Variants in MTSS2 observed in about 807,000 individuals in gnomAD.
MTSS2 encodes the protein protein MTSS 2.
A neutral mutation model predicts 67.1 loss-of-function variants in MTSS2; 27 were observed. The observed-to-expected ratio is 0.40, with a 90% CI of 0.30 to 0.55. The LOEUF (loss-of-function observed/expected upper bound fraction) is 0.55. Ranked by LOEUF, MTSS2 falls within the 20% of genes least tolerant of loss-of-function variation. MTSS2 has a pLI of 0.43. For missense variants in MTSS2, 1,171 were observed against 1,067.8 expected, an observed-to-expected ratio of 1.10 and a Z score of -1.35; for synonymous variants, 624 against 468.6, an observed-to-expected ratio of 1.33 and a Z score of -4.28.
chr16:70,661,544 A>C lies in MTSS2; in HGVS notation c.*2133T>G, dbSNP rs1231647334. ...ACAAAATGAGAAATTAAACGAACGT[A>C]AAGTCCCCCAAACCAAAGTTTGTGA... On this transcript the variant is annotated 3_prime_UTR_variant, in exon 15 of 15. Transcript: ENST00000338779. The C allele has an allele frequency of 5.7e-6, 2 of 352,162 alleles. No individual in the cohort carries two copies. Among genetic ancestry groups the C allele is most frequent in the Non-Finnish European group, 1.1e-5 (2 of 178,914 alleles). 21.8% of individuals were successfully genotyped at this position (352,162 alleles called of 1,614,324 possible).
At chr16:70,677,403 C>G (rs1448185208) in intron 9 of MTSS2, among the ~76,000 whole-genome samples, 1 of 151,908 alleles carries the variant, frequency 6.6e-6, no homozygotes, top group East Asian at 1.9e-4. Context: ...AGTGCAGTGG[C>G]AGCAGGGCTG....
chr16:70,678,244 A>T lies in MTSS2; in HGVS notation c.624+8T>A, dbSNP rs1337046145. ...CCCCTCTGGGGTCTGAGTCCCCAGG[A>T]GTCCCACCACCACAGGCTGCAGGAA... On this transcript the variant is annotated splice_region_variant and intron_variant, in intron 8 of 14. Coordinates refer to ENST00000338779, the MANE Select transcript of MTSS2 (RefSeq NM_138383.3). 1 of 1,602,990 alleles carries T rather than the reference A, an allele frequency of 6.2e-7. No homozygotes were observed. Among genetic ancestry groups the T allele is most frequent in the Admixed American group, 1.7e-5 (1 of 59,428 alleles).
rs200887940 is a variant in MTSS2 at position 70,679,374 on chromosome 16, G to C, written c.458-51C>G. ...GAGGAGAGACAGAGAAAGAAAGAAT[G>C]TGTGAAAGACGCCGGATGGACAGAG... On this transcript the variant is annotated intron_variant, in intron 6 of 14. Transcript: ENST00000338779. 73 of 1,609,548 alleles carry C rather than the reference G, an allele frequency of 4.5e-5. No individual in the cohort carries two copies. The South Asian group carries it at 7.4e-4, about 16-fold the overall frequency.
At chr16:70,672,681 C>CA (rs60173167) in intron 11 of MTSS2, among the ~76,000 whole-genome samples, 56,286 of 117,284 alleles carry the variant, frequency 0.48, 14,663 homozygotes, top group Non-Finnish European at 0.64. Flanking sequence ...GGTTAAATAG[C>CA]AAAAAAAAAA....
At position 70,662,443 on chromosome 16, in the gene MTSS2, G is replaced by T. The variant is rs544286933; in HGVS notation, c.*1234C>A. ...ACGAGCCTGGACTACAGTGGGGGCC[G>T]TGCTGGGATGGCATCTCCTCCGGCA... On this transcript the variant is annotated 3_prime_UTR_variant, in exon 15 of 15. Transcript: ENST00000338779. The T allele has an allele frequency of 6.6e-6, 1 of 152,270 alleles. No homozygotes were observed. The highest frequency in any genetic ancestry group is 2.4e-5 in the African/African-American group (1 of 41,428). 9.4% of individuals were successfully genotyped at this position (152,270 alleles called of 1,614,324 possible).
chr16:70,665,470 G>A lies in MTSS2; in HGVS notation c.1124C>T (p.Thr375Ile). The A allele has an allele frequency of 1.3e-6, 2 of 1,555,122 alleles. No homozygotes were observed. The highest frequency in any genetic ancestry group is 1.7e-6 in the Non-Finnish European group (2 of 1,150,452). ...GGCCGGGCTGGGAGCACTGACCGAG[G>A]TGGGGGAGCTGCACTCGCTAACGGA... Reference protein sequence around the residue: ...CQSVSECSSPTSDWSKVGSHE... With the variant: ...CQSVSECSSPISDWSKVGSHE... The change falls in exon 12 of 15, where the codon ACC becomes ATC. Residue 375 changes from threonine to isoleucine, a missense_variant. Thr to Ile is a moderately conservative substitution (Grantham distance 89). Around this residue, in one of 2 missense-constraint regions of MTSS2, gnomAD observed 924 missense variants for 756.0 expected, o/e 1.22. Coordinates refer to ENST00000338779, the MANE Select transcript of MTSS2 (RefSeq NM_138383.3).
chr16:70,674,404 G>A lies in MTSS2; in HGVS notation c.955C>T (p.Arg319Cys), dbSNP rs749353794. 1.6e-5 allele frequency: 26 copies of A among 1,614,176 alleles called. No individual in the cohort carries two copies. In the East Asian group the frequency reaches 1.8e-4, roughly 11 times the overall value. The change falls in exon 11 of 15, where the codon CGC (arginine) becomes TGC (cysteine). Residue 319 changes from arginine (R) to cysteine (C), a missense_variant. Arg to Cys is a radical substitution (Grantham distance 180, BLOSUM62 -3). Transcript: ENST00000338779. The stretch of plus-strand genomic sequence containing the variant: ...TCATGGGAGGAAACGCTGGAGAGGC[G>A]AGCGGTGGTGGTGGCTGGCTGCGCC... ...SLAQPATTTA[R>C]LSSVSSHDSG...
intron 11 of MTSS2, among the ~76,000 whole-genome samples, chr16:70,671,228 C>T (rs1597808813): frequency 6.6e-6 from 1 of 151,694 alleles, no homozygotes; most frequent in Non-Finnish European, 1.5e-5. Flanking sequence ...CATGGCAAAA[C>T]CCCGCCTCTG....
In MTSS2 at chr16:70,665,337, G is replaced by A. The variant is rs1409452570; in HGVS notation, c.1128+129C>T. 6.6e-6 allele frequency: 7 copies of A among 1,059,952 alleles called. No individual in the cohort carries two copies. In the South Asian group the frequency reaches 8.0e-5, roughly 12 times the overall value. 65.7% of individuals were successfully genotyped at this position (1,059,952 alleles called of 1,614,324 possible). On this transcript the variant is annotated intron_variant, in intron 12 of 14. Coordinates refer to ENST00000338779, the MANE Select transcript of MTSS2 (RefSeq NM_138383.3). The stretch of plus-strand genomic sequence containing the variant: ...AATGGCCAGGTGGCTTGTCTCTTGG[G>A]GACAGGTGCTGTGTGCACGCACCCC...
intron 10 of MTSS2, among the ~76,000 whole-genome samples, chr16:70,675,540 G>A (rs748755219): frequency 6.6e-6 from 1 of 152,060 alleles, no homozygotes; most frequent in Non-Finnish European, 1.5e-5. Flanking sequence ...TCAGCCTCCC[G>A]AGTAGCTGGG....
rs779200452 is a variant in MTSS2 at position 70,664,431 on chromosome 16, T to C, written c.1490A>G (p.Tyr497Cys). ...IPSQGSDYDCYSVNGDADSEG... is the reference protein window; with the variant it reads ...IPSQGSDYDCCSVNGDADSEG... ...GCTGTCCGCATCCCCATTCACGGAG[T>C]AGCAGTCGTAGTCGGAGCCTGGGGG... The change falls in exon 15 of 15, where the codon TAC (tyrosine) becomes TGC (cysteine). Residue 497 changes from tyrosine to cysteine, a missense_variant. Tyr to Cys is a radical substitution (Grantham distance 194, BLOSUM62 -2). Transcript: ENST00000338779. The C allele has an allele frequency of 1.3e-6, 2 of 1,541,230 alleles. No homozygotes were observed. Among genetic ancestry groups the C allele is most frequent in the East Asian group, 4.5e-5 (2 of 44,204 alleles).
chr16:70,677,483 G>T (rs2053156528), intron 9 of MTSS2, among the ~76,000 whole-genome samples: 1 of 152,106 alleles, frequency 6.6e-6, no homozygotes, highest in Admixed American at 6.5e-5. Context: ...GGGAGGTGGG[G>T]CGTCTCCAGG....
Position 70,661,714 on chromosome 16 carries a change from G to C in MTSS2, c.*1963C>G, listed in dbSNP as rs2052479292. On this transcript the variant is annotated 3_prime_UTR_variant, in exon 15 of 15. Transcript: ENST00000338779. ...GCCCCCGGGGCTCACAGGGGAGGGG[G>C]ACGGCGGAGTCGGTGGGGGCTGTGC... The C allele has an allele frequency of 4.3e-6, 1 of 234,274 alleles. No individual in the cohort carries two copies. Among genetic ancestry groups the C allele is most frequent in the Non-Finnish European group, 8.4e-6 (1 of 118,376 alleles). The allele number at this position is 234,274 out of a possible 1,614,324, so 14.5% of individuals were successfully genotyped here.
chr16:70,665,213 G>A (rs140634322), intron 12 of MTSS2, 117 bp from the exon 13 acceptor site: 75 of 1,212,754 alleles, frequency 6.2e-5, no homozygotes, highest in East Asian at 4.7e-4. Context: ...TCTCTGGTTC[G>A]CAATCACAGC....
At chr16:70,665,220 C>T (rs1246783348) in intron 12 of MTSS2, 124 bp from the exon 13 acceptor site, 2 of 1,147,648 alleles carry the variant, frequency 1.7e-6, no homozygotes, top group South Asian at 1.6e-5. Flanking sequence ...TTCGCAATCA[C>T]AGCCAAGGGC....
At chr16:70,676,857 C>G in intron 10 of MTSS2, 24 bp downstream of exon 10, 1 of 1,606,938 alleles carries the variant, frequency 6.2e-7, no homozygotes. Flanking sequence ...CCCCCACACC[C>G]CTGGGAACCC....
At chr16:70,682,464 A>AG (rs960706833) in intron 1 of MTSS2, among the ~76,000 whole-genome samples, 1 of 151,938 alleles carries the variant, frequency 6.6e-6, no homozygotes, top group Non-Finnish European at 1.5e-5. Flanking sequence ...CTAGGGGTGG[A>AG]GGGGGGTCCA....
Position 70,664,056 on chromosome 16 carries a change from G to A in MTSS2, c.1865C>T (p.Thr622Ile), listed in dbSNP as rs2052596953. 6 of 1,610,742 alleles carry A rather than the reference G, an allele frequency of 3.7e-6. No homozygotes were observed. The African/African-American group carries it at 4.0e-5, about 11-fold the overall frequency. The change falls in exon 15 of 15, where the codon ACC (threonine) becomes ATC (isoleucine). Residue 622 changes from threonine to isoleucine, a missense_variant. This residue lies in a region of MTSS2 where 924 missense variants were observed against 756.0 expected (regional missense o/e 1.22). Transcript: ENST00000338779. ...SEECVFYTDE[T>I]ASPLAPDLAK... ...GAGGTCCGGTGCCAGGGGTGAGGCG[G>A]TCTCGTCGGTATAGAAGACGCACTC... is the stretch of plus-strand genomic sequence containing the variant.
In MTSS2 at chr16:70,664,062, T is replaced by G; in HGVS notation, c.1859A>C (p.Asp620Ala). The G allele has an allele frequency of 6.2e-7, 1 of 1,611,286 alleles. No individual in the cohort carries two copies. The highest frequency in any genetic ancestry group is 8.5e-7 in the Non-Finnish European group (1 of 1,179,352). The change falls in exon 15 of 15, where the codon GAC (aspartate) becomes GCC (alanine). Residue 620 changes from aspartate to alanine, a missense_variant. Physicochemically the swap from Asp to Ala is moderately radical, Grantham distance 126 (BLOSUM62 -2). Coordinates refer to ENST00000338779, the MANE Select transcript of MTSS2 (RefSeq NM_138383.3). ...AGSEECVFYT[D>A]ETASPLAPDL... ...CGGTGCCAGGGGTGAGGCGGTCTCG[T>G]CGGTATAGAAGACGCACTCCTCACT...
Sources: allele counts gnomAD v4.1 joint callset (sites outside exome capture counted in the v4.1 genomes callset), GRCh38; gene constraint gnomAD v4.1.1; regional missense constraint gnomAD v4.1.1; transcripts MANE v1.5; gene names NCBI Gene and HGNC (gene_info 2026-07-23, HGNC 2026-07-21).